The following KHDRBS2 variants were observed in gnomAD, a reference collection of about 807,000 sequenced individuals.
The protein encoded by KHDRBS2 is KH RNA binding domain containing, signal transduction associated 2.
Under a neutral mutation model 44.3 loss-of-function variants are expected in KHDRBS2, and 26 were observed. That is an observed-to-expected ratio of 0.59 (90% CI 0.43 to 0.81). The LOEUF is 0.81. Ranked by LOEUF, KHDRBS2 falls within the 40% of genes least tolerant of loss-of-function variation. KHDRBS2 has a pLI of 0.00. For missense variants in KHDRBS2, 476 were observed against 433.1 expected, an observed-to-expected ratio of 1.10 and a Z score of -0.88; for synonymous variants, 194 against 151.1, an observed-to-expected ratio of 1.28 and a Z score of -2.08.
intron 4 of KHDRBS2, among the ~76,000 whole-genome samples, chr6:61,947,949 T>TAAC (rs1212074422): frequency 1.5e-5 from 2 of 129,478 alleles, no homozygotes; most frequent in Non-Finnish European, 3.4e-5. Flanking sequence ...ATAATAATAA[T>TAAC]AATAACAGAG....
chr6:61,614,432 G>T, the KHDRBS2 span, among the ~76,000 whole-genome samples: 1 of 152,150 alleles, frequency 6.6e-6, no homozygotes. Flanking sequence ...ATTTCCTAGT[G>T]TGACAACCTC....
intron 1 of KHDRBS2, among the ~76,000 whole-genome samples, chr6:62,187,457 G>A: frequency 6.6e-6 from 1 of 152,044 alleles, no homozygotes; most frequent in East Asian, 1.9e-4. Flanking sequence ...TTACAGTCTA[G>A]GGAGGTAGAA....
At chr6:62,040,458 C>T (rs1786228647) in intron 3 of KHDRBS2, among the ~76,000 whole-genome samples, 1 of 151,914 alleles carries the variant, frequency 6.6e-6, no homozygotes, top group South Asian at 2.1e-4. Context: ...TTCTGTGGGT[C>T]AGAAATTTAG....
At chr6:61,944,599 G>A (rs2127378575) in intron 4 of KHDRBS2, among the ~76,000 whole-genome samples, 1 of 152,234 alleles carries the variant, frequency 6.6e-6, no homozygotes, top group East Asian at 1.9e-4. Context: ...AGATCAGGGT[G>A]AGTAGCAGTA....
At chr6:61,917,200 C>A (rs115989882) in intron 4 of KHDRBS2, among the ~76,000 whole-genome samples, 4,261 of 151,682 alleles carry the variant, frequency 0.028, 200 homozygotes, top group African/African-American at 0.097. Flanking sequence ...ACCAAGATGT[C>A]CTTCAGTAGG....
chr6:62,182,646 T>A (rs921156414), intron 1 of KHDRBS2, among the ~76,000 whole-genome samples: 3 of 151,930 alleles, frequency 2.0e-5, no homozygotes, highest in Non-Finnish European at 4.4e-5. Flanking sequence ...AGTGGATGAA[T>A]TTTTTGAAGG....
chr6:62,016,275 A>C (rs568261479), intron 3 of KHDRBS2, among the ~76,000 whole-genome samples: 1 of 152,184 alleles, frequency 6.6e-6, no homozygotes, highest in Non-Finnish European at 1.5e-5. Flanking sequence ...TAATTTTTAG[A>C]AATAATTTGT....
At chr6:62,136,853 A>G (rs1175500885) in intron 2 of KHDRBS2, among the ~76,000 whole-genome samples, 2 of 152,188 alleles carry the variant, frequency 1.3e-5, no homozygotes. Context: ...TGACATAAGT[A>G]AGAACTTGCA....
At chr6:62,072,427 A>G (rs900950800) in intron 2 of KHDRBS2, among the ~76,000 whole-genome samples, 2 of 152,144 alleles carry the variant, frequency 1.3e-5, no homozygotes, top group Non-Finnish European at 2.9e-5. Context: ...CCAGTTTTCA[A>G]AGGGAATGTT....
intron 6 of KHDRBS2, among the ~76,000 whole-genome samples, chr6:61,761,836 C>G (rs528889277): frequency 9.2e-5 from 14 of 152,190 alleles, no homozygotes; most frequent in African/African-American, 2.6e-4. Flanking sequence ...TTAGGATGCC[C>G]TGACACCGTA....
chr6:61,544,751 TA>T, the KHDRBS2 span, among the ~76,000 whole-genome samples: 1 of 152,022 alleles, frequency 6.6e-6, no homozygotes, highest in African/African-American at 2.4e-5. Context: ...TATGCAGCCA[TA>T]AAAAATGATG....
At chr6:61,812,535 T>C (rs996573625) in intron 6 of KHDRBS2, among the ~76,000 whole-genome samples, 1 of 152,058 alleles carries the variant, frequency 6.6e-6, no homozygotes, top group Non-Finnish European at 1.5e-5. Context: ...ATAATTAGTA[T>C]AAATGCATCG....
At chr6:61,644,375 T>A in the KHDRBS2 span, among the ~76,000 whole-genome samples, 1 of 152,016 alleles carries the variant, frequency 6.6e-6, no homozygotes, top group Admixed American at 6.6e-5. Flanking sequence ...TTAGGCAATA[T>A]CATTGTGGAC....
At chr6:61,693,514 G>A (rs1173352750) in intron 8 of KHDRBS2, among the ~76,000 whole-genome samples, 1 of 152,118 alleles carries the variant, frequency 6.6e-6, no homozygotes, top group Non-Finnish European at 1.5e-5. Flanking sequence ...TTTTGGCTGT[G>A]CAAAAAGAGG....
At chr6:62,166,998 C>A (rs1456420562) in intron 2 of KHDRBS2, among the ~76,000 whole-genome samples, 2 of 151,830 alleles carry the variant, frequency 1.3e-5, no homozygotes, top group Non-Finnish European at 2.9e-5. Context: ...GTCATGGGGC[C>A]CTAAAGAAAG....
chr6:61,585,537 C>T, the KHDRBS2 span, among the ~76,000 whole-genome samples: 93,552 of 151,846 alleles, frequency 0.62, 29,044 homozygotes, highest in Non-Finnish European at 0.65. Flanking sequence ...TTAGAAAATA[C>T]GATTTGCAAG....
intron 3 of KHDRBS2, among the ~76,000 whole-genome samples, chr6:62,009,030 C>A (rs552871058): frequency 5.7e-4 from 87 of 152,146 alleles, no homozygotes; most frequent in African/African-American, 1.7e-3. Context: ...AAATGGGTAA[C>A]AGGCAGAGGT....
intron 2 of KHDRBS2, among the ~76,000 whole-genome samples, chr6:62,107,751 A>T (rs368079888): frequency 1.3e-5 from 2 of 152,082 alleles, no homozygotes; most frequent in Non-Finnish European, 2.9e-5. Flanking sequence ...CAGAGATATA[A>T]ATCAAGGGAA....
chr6:62,096,625 T>C (rs1361641740), intron 2 of KHDRBS2, among the ~76,000 whole-genome samples: 5 of 151,894 alleles, frequency 3.3e-5, no homozygotes, highest in Non-Finnish European at 7.4e-5. Context: ...TTAGGCTTGC[T>C]AAAGGTTAGT....
Sources: allele counts gnomAD v4.1 joint callset (sites outside exome capture counted in the v4.1 genomes callset), GRCh38; gene constraint gnomAD v4.1.1; transcripts MANE v1.5; gene names NCBI Gene and HGNC (gene_info 2026-07-23, HGNC 2026-07-21).